The following CAMK2A variants were observed in gnomAD, a reference collection of about 807,000 sequenced individuals.
CAMK2A encodes the protein calcium/calmodulin-dependent protein kinase type II subunit alpha.
A neutral mutation model predicts 79.2 loss-of-function variants in CAMK2A; 7 were observed. The observed-to-expected ratio is 0.09, with a 90% CI of 0.05 to 0.17. CAMK2A has a LOEUF of 0.17. Ranked by LOEUF, CAMK2A falls within the 10% of genes least tolerant of loss-of-function variation. The pLI, the probability that CAMK2A is intolerant of heterozygous loss-of-function variation, is 1.00. For missense variants in CAMK2A, 214 were observed against 646.4 expected, an observed-to-expected ratio of 0.33 and a Z score of 7.25; for synonymous variants, 242 against 251.7, an observed-to-expected ratio of 0.96 and a Z score of 0.36.
intron 17 of CAMK2A, among the ~76,000 whole-genome samples, chr5:150,225,650 A>T (rs1754566916): frequency 1.3e-5 from 2 of 152,188 alleles, no homozygotes; most frequent in Admixed American, 1.3e-4. Flanking sequence ...AGACTGTAAG[A>T]TGGTGGCTAC....
chr5:150,288,869 C>G (rs1187465084), intron 1 of CAMK2A, among the ~76,000 whole-genome samples: 1 of 152,190 alleles, frequency 6.6e-6, no homozygotes, highest in Non-Finnish European at 1.5e-5. Flanking sequence ...GGCTGGGCAA[C>G]TTTGCTTGTC....
intron 18 of CAMK2A, 110 bp from the exon 19 acceptor site, chr5:150,222,823 C>T: frequency 6.9e-7 from 1 of 1,452,992 alleles, no homozygotes; most frequent in South Asian, 1.1e-5. Context: ...GGCTCCTGCC[C>T]AGCTCTTCCC....
At chr5:150,230,845 G>C (rs750995976) in intron 16 of CAMK2A, among the ~76,000 whole-genome samples, 1 of 152,204 alleles carries the variant, frequency 6.6e-6, no homozygotes, top group South Asian at 2.1e-4. Context: ...CTGAAGGGAC[G>C]TGCCCTGTGG....
chr5:150,261,058 C>A (rs1215714285), intron 3 of CAMK2A, among the ~76,000 whole-genome samples: 1 of 151,042 alleles, frequency 6.6e-6, no homozygotes, highest in African/African-American at 2.4e-5. Context: ...TACCCTCTGA[C>A]CCAGGGCCTC....
At chr5:150,268,225 T>G (rs1349944513) in intron 2 of CAMK2A, among the ~76,000 whole-genome samples, 2 of 152,028 alleles carry the variant, frequency 1.3e-5, no homozygotes, top group African/African-American at 4.8e-5. Flanking sequence ...CTTCCAACTC[T>G]CCAACAGCTT....
At chr5:150,253,176 T>A (rs1207751147) in intron 7 of CAMK2A, among the ~76,000 whole-genome samples, 1 of 152,052 alleles carries the variant, frequency 6.6e-6, no homozygotes, top group South Asian at 2.1e-4. Flanking sequence ...GGAGGAGAGA[T>A]GGCGGAGGGG....
At chr5:150,244,336 AGC>A (rs375342718) in intron 13 of CAMK2A, among the ~76,000 whole-genome samples, 18 of 152,242 alleles carry the variant, frequency 1.2e-4, no homozygotes, top group African/African-American at 4.3e-4. Flanking sequence ...TCAAGCCACC[AGC>A]ACATCTGGCT....
At position 150,247,852 on chromosome 5, in the gene CAMK2A, C is replaced by A. The variant is rs926570201; in HGVS notation, c.901-38G>T. ...AGAAGAGGGCAGTGGGAGAGGAGGC[C>A]GGAGTGAAGGGACCCAGGAGGGACA... On this transcript the variant is annotated intron_variant, in intron 11 of 18. Coordinates refer to ENST00000671881, the MANE Select transcript of CAMK2A (RefSeq NM_015981.4). 2.5e-6 allele frequency: 4 copies of A among 1,586,762 alleles called. No homozygotes were observed. The East Asian group carries it at 9.0e-5, about 36-fold the overall frequency.
At chr5:150,240,632 C>T (rs1244470074) in intron 13 of CAMK2A, among the ~76,000 whole-genome samples, 3 of 152,232 alleles carry the variant, frequency 2.0e-5, no homozygotes, top group African/African-American at 7.2e-5. Context: ...TAAAGACTCC[C>T]ATTCACAGAA....
intron 2 of CAMK2A, chr5:150,265,543 C>T (rs1756477331): frequency 6.4e-6 from 1 of 157,196 alleles, no homozygotes; most frequent in Non-Finnish European, 1.4e-5. Context: ...AACAGCATGA[C>T]CCACTCAGTC....
chr5:150,269,676 C>G (rs1487922260), intron 2 of CAMK2A, among the ~76,000 whole-genome samples: 1 of 152,032 alleles, frequency 6.6e-6, no homozygotes, highest in Non-Finnish European at 1.5e-5. Flanking sequence ...TTAGTGGACT[C>G]CAGCAGGCAG....
intron 13 of CAMK2A, among the ~76,000 whole-genome samples, chr5:150,240,318 C>T (rs1755282034): frequency 6.6e-6 from 1 of 152,196 alleles, no homozygotes; most frequent in Non-Finnish European, 1.5e-5. Flanking sequence ...ACAATATCTG[C>T]AGGTGATGCC....
At chr5:150,253,696 G>A in intron 6 of CAMK2A, 150 bp from the exon 7 acceptor site, 1 of 654,960 alleles carries the variant, frequency 1.5e-6, no homozygotes, top group Non-Finnish European at 2.7e-6. Flanking sequence ...CCCGCCTCAG[G>A]CTCCTGAGTC....
chr5:150,278,200 A>G lies in CAMK2A; in HGVS notation c.63-5041T>C, dbSNP rs115091332. On this transcript the variant is annotated intron_variant, in intron 1 of 18. Transcript: ENST00000671881. Reference sequence around the variant, plus strand: ...GCACAGTACCAAGCACATGAGACATAGTTGGGAAAGAAGGGGGTCTGAATG... The same window carrying G: ...GCACAGTACCAAGCACATGAGACATGGTTGGGAAAGAAGGGGGTCTGAATG... Among the ~76,000 whole-genome samples the G allele has an allele frequency of 4.1e-3, 625 of 152,168 alleles. 8 individuals are homozygous for G. The highest frequency in any genetic ancestry group is 0.014 in the African/African-American group (593 of 41,504).
At chr5:150,249,006 T>G (rs1755707822) in intron 11 of CAMK2A, among the ~76,000 whole-genome samples, 1 of 152,200 alleles carries the variant, frequency 6.6e-6, no homozygotes, top group Admixed American at 6.5e-5. Flanking sequence ...ATTTTGAGAC[T>G]TCCTCTGTGA....
At chr5:150,234,489 G>T (rs1754981200) in intron 15 of CAMK2A, among the ~76,000 whole-genome samples, 1 of 152,180 alleles carries the variant, frequency 6.6e-6, no homozygotes, top group African/African-American at 2.4e-5. Context: ...TCTAAGGATT[G>T]AGTTAAGAAT....
intron 1 of CAMK2A, among the ~76,000 whole-genome samples, chr5:150,282,528 C>T (rs1386765334): frequency 2.6e-5 from 4 of 152,216 alleles, no homozygotes; most frequent in African/African-American, 9.6e-5. Flanking sequence ...TTCAGAGGTC[C>T]AAGCGTCAAA....
At chr5:150,236,913 A>C (rs1755095327) in intron 15 of CAMK2A, among the ~76,000 whole-genome samples, 2 of 152,198 alleles carry the variant, frequency 1.3e-5, no homozygotes, top group South Asian at 4.1e-4. Flanking sequence ...GGGTCTTGCT[A>C]TGTTGCCCAG....
At chr5:150,226,967 T>C (rs1754631740) in intron 17 of CAMK2A, among the ~76,000 whole-genome samples, 1 of 151,688 alleles carries the variant, frequency 6.6e-6, no homozygotes, top group African/African-American at 2.4e-5. Context: ...AGATGGGGTT[T>C]CACCACATTG....
Sources: gnomAD v4.1 joint callset for allele counts (sites outside exome capture counted in the v4.1 genomes callset) on GRCh38, gnomAD v4.1.1 for gene constraint, MANE v1.5 for transcripts, NCBI Gene and HGNC (gene_info 2026-07-23, HGNC 2026-07-21) for gene names.